The following PLAAT1 variants were observed in gnomAD, a reference collection of about 807,000 sequenced individuals.
PLAAT1 encodes the protein H-REV107 protein-related protein.
PLAAT1 carries 13 observed loss-of-function variants against 16.4 expected under a neutral mutation model. That is an observed-to-expected ratio of 0.79 (90% CI 0.52 to 1.26). PLAAT1 has a LOEUF of 1.26. Ranked by LOEUF, PLAAT1 falls within the 50% of genes most tolerant of loss-of-function variation. The probability of loss-of-function intolerance (pLI) is 0.00; values close to 1 mark genes in which losing one functional copy is unlikely to be tolerated. For missense variants in PLAAT1, 218 were observed against 207.8 expected (o/e 1.05, Z -0.30); for synonymous variants, 73 against 78.4 (o/e 0.93, Z 0.36).
At chr3:193,265,187 G>A (rs933339575) in intron 3 of PLAAT1, among the ~76,000 whole-genome samples, 1 of 152,174 alleles carries the variant, frequency 6.6e-6, no homozygotes, top group African/African-American at 2.4e-5. Context: ...ACATGTCCAC[G>A]TGGAAACCTG....
At chr3:193,240,727 G>T (rs1223309660), upstream of PLAAT1, among the ~76,000 whole-genome samples, 1 of 150,922 alleles carries the variant, frequency 6.6e-6, no homozygotes, top group Non-Finnish European at 1.5e-5. Context: ...GTGTGTGTGT[G>T]GTGTGGTGTG....
rs1439939961 is a variant in PLAAT1, at chr3:193,244,142, C to T, written c.-1+2609C>T. 2.6e-5 allele frequency among the ~76,000 whole-genome samples: 4 copies of T among 152,096 alleles called. No individual in the cohort carries two copies. In the East Asian group the frequency reaches 5.8e-4, roughly 22 times the overall value. ...ATTTTTTTAACCACCCTTTGAAGGT[C>T]ATCTTGGTTGTTTCCACTTTTGGGA... On this transcript the variant is annotated intron_variant, in intron 1 of 3. Coordinates refer to ENST00000264735, the MANE Select transcript of PLAAT1 (RefSeq NM_020386.5).
chr3:193,243,564 A>G (rs1458217199), intron 1 of PLAAT1, among the ~76,000 whole-genome samples: 3 of 152,220 alleles, frequency 2.0e-5, no homozygotes, highest in Non-Finnish European at 4.4e-5. Flanking sequence ...ATCTAATAGT[A>G]TTTGAGAAGG....
intron 3 of PLAAT1, among the ~76,000 whole-genome samples, chr3:193,266,290 A>G (rs1466334414): frequency 6.6e-6 from 1 of 152,188 alleles, no homozygotes; most frequent in Non-Finnish European, 1.5e-5. Flanking sequence ...AGTTGAACAC[A>G]TTAAATATCT....
chr3:193,278,621 G>A (rs1160023219), downstream of PLAAT1, among the ~76,000 whole-genome samples: 3 of 152,168 alleles, frequency 2.0e-5, no homozygotes, highest in African/African-American at 4.8e-5. Flanking sequence ...CTGGCAAAAT[G>A]TGGCCTATTC....
intron 3 of PLAAT1, among the ~76,000 whole-genome samples, chr3:193,267,307 G>C (rs973699673): frequency 6.6e-6 from 1 of 151,986 alleles, no homozygotes; most frequent in African/African-American, 2.4e-5. Context: ...CATTATTATA[G>C]TATTATAAAT....
At chr3:193,261,111 G>A (rs56924296) in intron 2 of PLAAT1, among the ~76,000 whole-genome samples, 1,596 of 152,254 alleles carry the variant, frequency 0.01, 55 homozygotes, top group East Asian at 0.072. Flanking sequence ...GGTCACGCCT[G>A]TAATCCAGTA....
At chr3:193,244,016 T>C (rs769474451) in intron 1 of PLAAT1, among the ~76,000 whole-genome samples, 1 of 152,232 alleles carries the variant, frequency 6.6e-6, no homozygotes, top group Non-Finnish European at 1.5e-5. Context: ...TAAGTATAAT[T>C]CTCTAGAGGT....
chr3:193,247,204 GCTTGCT>G (rs1178806418), intron 1 of PLAAT1, among the ~76,000 whole-genome samples: 1 of 152,130 alleles, frequency 6.6e-6, no homozygotes, highest in East Asian at 1.9e-4. Flanking sequence ...GAGTTAGTTA[GCTTGCT>G]TTAGGCAGAC....
At chr3:193,245,687 C>A (rs1015842582) in intron 1 of PLAAT1, among the ~76,000 whole-genome samples, 11 of 152,316 alleles carry the variant, frequency 7.2e-5, no homozygotes, top group African/African-American at 2.6e-4. Flanking sequence ...TTCTCCACAT[C>A]CTCACCAACA....
downstream of PLAAT1, among the ~76,000 whole-genome samples, chr3:193,271,833 A>G (rs1490449128): frequency 6.6e-6 from 1 of 152,196 alleles, no homozygotes; most frequent in Non-Finnish European, 1.5e-5. Context: ...AAACTGATTT[A>G]GATTTTACCC....
chr3:193,262,854 A>G, intron 2 of PLAAT1, 116 bp from the exon 3 acceptor site: 5 of 1,030,386 alleles, frequency 4.9e-6, no homozygotes, highest in Non-Finnish European at 7.2e-6. Context: ...TGGTTTGATA[A>G]TAAGTTAGGA....
chr3:193,269,026 A>C (rs1716881044), intron 3 of PLAAT1, among the ~76,000 whole-genome samples: 1 of 151,418 alleles, frequency 6.6e-6, no homozygotes, highest in South Asian at 2.1e-4. Flanking sequence ...TTGGGATCTC[A>C]CTATCTGCTG....
At chr3:193,278,081 G>A (rs1327694592), downstream of PLAAT1, among the ~76,000 whole-genome samples, 1 of 152,166 alleles carries the variant, frequency 6.6e-6, no homozygotes. Context: ...AGGGATTACA[G>A]GCATGAGCCA....
chr3:193,273,726 G>A (rs1451647655), downstream of PLAAT1, among the ~76,000 whole-genome samples: 1 of 152,114 alleles, frequency 6.6e-6, no homozygotes, highest in African/African-American at 2.4e-5. Flanking sequence ...TGGTGAGGGT[G>A]ATATATAAAA....
intron 1 of PLAAT1, among the ~76,000 whole-genome samples, chr3:193,252,877 G>T (rs1716242399): frequency 6.6e-6 from 1 of 152,062 alleles, no homozygotes. Context: ...TAAAAATGAG[G>T]AGATTGGACT....
chr3:193,244,187 A>G (rs1032428815), intron 1 of PLAAT1, among the ~76,000 whole-genome samples: 2 of 152,098 alleles, frequency 1.3e-5, no homozygotes, highest in African/African-American at 2.4e-5. Flanking sequence ...TAAAGCTGCT[A>G]TAAGCTTTTG....
At chr3:193,257,444 A>G (rs900993757) in intron 2 of PLAAT1, among the ~76,000 whole-genome samples, 1 of 152,220 alleles carries the variant, frequency 6.6e-6, no homozygotes, top group Admixed American at 6.5e-5. Context: ...TTTGAAAAAG[A>G]TTAACCACAT....
At chr3:193,258,886 T>A (rs1716481990) in intron 2 of PLAAT1, among the ~76,000 whole-genome samples, 1 of 152,042 alleles carries the variant, frequency 6.6e-6, no homozygotes. Flanking sequence ...GAGGAGGGGC[T>A]CCTTCCTAAC....
Sources: allele counts gnomAD v4.1 joint callset (sites outside exome capture counted in the v4.1 genomes callset), GRCh38; gene constraint gnomAD v4.1.1; transcripts MANE v1.5; gene names NCBI Gene and HGNC (gene_info 2026-07-23, HGNC 2026-07-21).